PLA2G4C: variants seen among roughly 807,000 people sequenced by gnomAD.
The protein encoded by PLA2G4C is phospholipase A2 group IVC, also known as cytosolic phospholipase A2 gamma.
PLA2G4C carries 64 observed loss-of-function variants against 73.8 expected under a neutral mutation model. The observed-to-expected ratio is 0.87, with a 90% CI of 0.71 to 1.07. PLA2G4C has a LOEUF of 1.07. Among genes scored for constraint, PLA2G4C ranks in the 50% least tolerant of loss-of-function variants. PLA2G4C has a pLI of 0.00. For missense variants in PLA2G4C, 622 were observed against 665.4 expected (o/e 0.93, Z 0.72); for synonymous variants, 254 against 252.1 (o/e 1.01, Z -0.07).
intron 14 of PLA2G4C, among the ~76,000 whole-genome samples, chr19:48,059,264 C>T (rs1968077935): frequency 1.3e-5 from 1 of 79,708 alleles, no homozygotes; most frequent in Non-Finnish European, 2.4e-5. Flanking sequence ...GAGCGAGACT[C>T]TGTCTCAAAA....
chr19:48,077,674 G>T, intron 11 of PLA2G4C, 97 bp downstream of exon 11: 1 of 894,924 alleles, frequency 1.1e-6, no homozygotes, highest in Non-Finnish European at 1.7e-6. Flanking sequence ...AGCACCACAT[G>T]AATCAGACAC....
intron 10 of PLA2G4C, 138 bp downstream of exon 10, chr19:48,084,921 G>A (rs1410587053): frequency 6.0e-6 from 4 of 661,166 alleles, no homozygotes; most frequent in South Asian, 1.8e-5. Context: ...TTCAGTGTAT[G>A]AGAATAAATG....
rs772558070 is a variant in PLA2G4C at position 48,104,606 on chromosome 19, C to T, written c.239G>A (p.Gly80Glu). The change falls in exon 4 of 17, where the codon GGG becomes GAG. Residue 80 changes from glycine to glutamate, a missense_variant. Transcript: ENST00000599921. ...GLLDAVTYLA[G>E]VSGSTWAISS... ...TGCTTACCAAGTGGATCCAGAGACC[C>T]CTGCGAGGTACGTGACGGCATCCAA... 1.9e-6 allele frequency: 3 copies of T among 1,613,892 alleles called. No homozygotes were observed. In the South Asian group the frequency reaches 3.3e-5, roughly 18 times the overall value.
chr19:48,053,358 T>TTTTTTC (rs1568420039), intron 15 of PLA2G4C, among the ~76,000 whole-genome samples: 2 of 126,346 alleles, frequency 1.6e-5, no homozygotes, highest in African/African-American at 6.5e-5. Flanking sequence ...CTTCCGGTCC[T>TTTTTTC]TTTTTCTTTT....
intron 6 of PLA2G4C, among the ~76,000 whole-genome samples, chr19:48,097,518 C>T (rs1035209643): frequency 7.9e-5 from 12 of 151,968 alleles, no homozygotes; most frequent in Middle Eastern, 3.4e-3. Flanking sequence ...TCCCAAAGTC[C>T]TGGGATTACA....
chr19:48,056,549 G>A (rs1342350776), intron 14 of PLA2G4C, among the ~76,000 whole-genome samples: 11 of 147,730 alleles, frequency 7.4e-5, no homozygotes, highest in Non-Finnish European at 1.6e-4. Flanking sequence ...AAAGAGGCTG[G>A]GCATGGTGGC....
In PLA2G4C at chr19:48,085,064, A is replaced by C. The variant is rs766728941; in HGVS notation, c.839T>G (p.Ile280Ser). The change falls in exon 10 of 17, where the codon ATT (isoleucine) becomes AGT (serine). Residue 280 changes from isoleucine to serine, a missense_variant. Coordinates refer to ENST00000599921, the MANE Select transcript of PLA2G4C (RefSeq NM_003706.3). The part of the protein sequence containing the change: ...VANAKSIGHL[I>S]FARLLRLQES... ...TCTGTTCCCCAAATACTCACCAAAA[A>C]TAAGGTGTCCAATGCTTTTAGCATT... The C allele has an allele frequency of 1.9e-6, 3 of 1,608,982 alleles. No individual in the cohort carries two copies. Among genetic ancestry groups the C allele is most frequent in the Non-Finnish European group, 2.6e-6 (3 of 1,175,392 alleles).
At chr19:48,109,901 G>A (rs11564504) in intron 1 of PLA2G4C, among the ~76,000 whole-genome samples, 1 of 151,628 alleles carries the variant, frequency 6.6e-6, no homozygotes, top group Non-Finnish European at 1.5e-5. Flanking sequence ...CGCCCGCCTC[G>A]TCTTCCCAAA....
chr19:48,110,534 T>TCCGGAATCCGGTGCGGAGGCTTGGGCA lies in PLA2G4C; in HGVS notation c.-81_-80insTGCCCAAGCCTCCGCACCGGATTCCGG. ...TGCGCATGCGCGGTGGAGCTTGTGC[T>TCCGGAATCCGGTGCGGAGGCTTGGGCA]CCGGAATCCGGTGCGGAGGCTTGGG... On this transcript the variant is annotated 5_prime_UTR_variant, in exon 1 of 17. Transcript: ENST00000599921. 6.5e-7 allele frequency: 1 copy of TCCGGAATCCGGTGCGGAGGCTTGGGCA among 1,532,892 alleles called. No individual in the cohort carries two copies. Among genetic ancestry groups the TCCGGAATCCGGTGCGGAGGCTTGGGCA allele is most frequent in the Non-Finnish European group, 8.8e-7 (1 of 1,142,698 alleles). 95.0% of individuals were successfully genotyped at this position (1,532,892 alleles called of 1,614,324 possible).
At chr19:48,060,772 G>C (rs1018994873) in intron 14 of PLA2G4C, among the ~76,000 whole-genome samples, 3 of 152,174 alleles carry the variant, frequency 2.0e-5, no homozygotes, top group Admixed American at 6.5e-5. Context: ...CAAGGGTCTA[G>C]AAAGATGGTG....
At chr19:48,090,262 T>G in intron 8 of PLA2G4C, 102 bp downstream of exon 8, 1 of 866,440 alleles carries the variant, frequency 1.2e-6, no homozygotes, top group Non-Finnish European at 2.0e-6. Context: ...GCTAGAACAA[T>G]TACACACAGG....
chr19:48,055,519 G>T (rs1967908533), intron 14 of PLA2G4C, among the ~76,000 whole-genome samples: 1 of 151,790 alleles, frequency 6.6e-6, no homozygotes, highest in Admixed American at 6.6e-5. Context: ...TGGTATGGGT[G>T]CATCTCATCA....
chr19:48,105,915 C>T (rs1234790368), intron 2 of PLA2G4C, among the ~76,000 whole-genome samples: 2 of 12,380 alleles, frequency 1.6e-4, no homozygotes, highest in South Asian at 4.7e-3. Context: ...CCCTCCCTCC[C>T]TCCCTCCCTC....
Position 48,062,003 on chromosome 19 carries a change from A to G in PLA2G4C, c.1252T>C (p.Phe418Leu), listed in dbSNP as rs1430861880. ...CCAAAGCCCTTCTCGATTACCTCGA[A>G]AGGATCTCCGGCACTGAAGTCGAAG... ...LSFDFSAGDPFETIRATTDYC... is the reference protein window; with the variant it reads ...LSFDFSAGDPLETIRATTDYC... The change falls in exon 14 of 17, where the codon TTC becomes CTC. Residue 418 changes from phenylalanine to leucine, a missense_variant. Phe to Leu is a conservative substitution (Grantham distance 22). Coordinates refer to ENST00000599921, the MANE Select transcript of PLA2G4C (RefSeq NM_003706.3). 14 of 1,613,788 alleles carry G rather than the reference A, an allele frequency of 8.7e-6. No homozygotes were observed. Among genetic ancestry groups the G allele is most frequent in the Non-Finnish European group, 1.2e-5 (14 of 1,179,908 alleles).
At chr19:48,080,993 C>CAAAAAAAAAAA (rs34388817) in intron 10 of PLA2G4C, among the ~76,000 whole-genome samples, 4 of 102,870 alleles carry the variant, frequency 3.9e-5, no homozygotes, top group Non-Finnish European at 1.9e-5. Flanking sequence ...ACTAAAAATA[C>CAAAAAAAAAAA]AAAAAAAAAA....
chr19:48,084,290 C>G (rs2030842022), intron 10 of PLA2G4C, among the ~76,000 whole-genome samples: 1 of 152,146 alleles, frequency 6.6e-6, no homozygotes, highest in Non-Finnish European at 1.5e-5. Context: ...GAACCCCTGA[C>G]CTCAAGTGAT....
chr19:48,080,606 C>G (rs2030485444), intron 10 of PLA2G4C, among the ~76,000 whole-genome samples: 1 of 151,672 alleles, frequency 6.6e-6, no homozygotes, highest in Admixed American at 6.6e-5. Context: ...GTCAGGCGTT[C>G]AAGACCAGCC....
chr19:48,058,895 G>T (rs932427986), intron 14 of PLA2G4C, among the ~76,000 whole-genome samples: 12 of 151,728 alleles, frequency 7.9e-5, no homozygotes, highest in Admixed American at 7.9e-4. Context: ...ATCATGGAAA[G>T]AATTAAAGAT....
In PLA2G4C at chr19:48,048,112, G is replaced by T. The variant is rs142874686; in HGVS notation, c.*231C>A. Reference sequence around the variant, plus strand: ...GCTCCAGCTCCAGGATCTCCCGAGGGACCTGCAGGACAAATTTCACCACCT... The same window carrying T: ...GCTCCAGCTCCAGGATCTCCCGAGGTACCTGCAGGACAAATTTCACCACCT... On this transcript the variant is annotated 3_prime_UTR_variant, in exon 17 of 17. Coordinates refer to ENST00000599921, the MANE Select transcript of PLA2G4C (RefSeq NM_003706.3). 1,198 of 525,766 alleles carry T rather than the reference G, an allele frequency of 2.3e-3. 10 individuals carry two copies. The highest frequency in any genetic ancestry group is 4.0e-3 in the East Asian group (113 of 28,460). The allele number at this position is 525,766 out of a possible 1,614,324, so 32.6% of individuals were successfully genotyped here. A position where few individuals can be genotyped will look rare whatever the true frequency, so the allele number is the denominator to read the frequency against.
Sources: allele counts gnomAD v4.1 joint callset (sites outside exome capture counted in the v4.1 genomes callset), GRCh38; gene constraint gnomAD v4.1.1; transcripts MANE v1.5; gene names NCBI Gene and HGNC (gene_info 2026-07-23, HGNC 2026-07-21).